Variants in LRP1B observed in about 807,000 individuals in gnomAD.
LRP1B encodes LDL receptor related protein 1B, also known as low-density lipoprotein receptor-related protein 1B.
In LRP1B, 217 loss-of-function variants were observed where a neutral mutation model predicts 556.6. The ratio of observed to expected loss-of-function variants is 0.39; its 90% CI spans 0.35 to 0.44. The LOEUF (loss-of-function observed/expected upper bound fraction) is 0.44. LRP1B is among the 20% of genes least tolerant of loss of function. LRP1B has a pLI of 1.00. For synonymous variants in LRP1B, 2,047 were observed against 1,865.8 expected (o/e 1.10, Z -2.50); for missense variants, 5,053 against 5,620.8 (o/e 0.90, Z 3.23).
At chr2:141,490,784 A>C (rs1000786782) in intron 2 of LRP1B, among the ~76,000 whole-genome samples, 2 of 152,118 alleles carry the variant, frequency 1.3e-5, no homozygotes, top group African/African-American at 4.8e-5. Context: ...GTGCTCTTTT[A>C]GGTGTTTTAA....
intron 1 of LRP1B, among the ~76,000 whole-genome samples, chr2:142,011,585 C>T (rs1395230718): frequency 6.6e-6 from 1 of 152,128 alleles, no homozygotes; most frequent in Non-Finnish European, 1.5e-5. Flanking sequence ...AGACTGCATG[C>T]TTTCTGCTAA....
chr2:140,606,814 C>T (rs1682884051), intron 41 of LRP1B, among the ~76,000 whole-genome samples: 1 of 151,790 alleles, frequency 6.6e-6, no homozygotes, highest in Admixed American at 6.6e-5. Flanking sequence ...TAAAAATATA[C>T]CTTAAACCTA....
At chr2:140,858,054 T>C (rs552206082) in intron 27 of LRP1B, among the ~76,000 whole-genome samples, 56 of 152,294 alleles carry the variant, frequency 3.7e-4, no homozygotes, top group African/African-American at 1.3e-3. Context: ...GGTGGTGATT[T>C]TGCCTCCCAA....
At position 141,982,468 on chromosome 2, in the gene LRP1B, G is replaced by T. The variant is rs923948102; in HGVS notation, c.82+148180C>A. The stretch of plus-strand genomic sequence containing the variant: ...GAGACACTTTAGAGTGACTTCAGAT[G>T]ATATAAGCCCTACAGTGCAAATACC... On this transcript the variant is annotated intron_variant, in intron 1 of 90. Transcript: ENST00000389484. Among the ~76,000 whole-genome samples the T allele has an allele frequency of 2.6e-5, 4 of 152,112 alleles. No individual in the cohort carries two copies. The East Asian group carries it at 7.7e-4, about 29-fold the overall frequency.
chr2:141,483,425 C>A (rs187342094), intron 2 of LRP1B, among the ~76,000 whole-genome samples: 2 of 90,622 alleles, frequency 2.2e-5, no homozygotes, highest in African/African-American at 7.9e-5. Context: ...ATAAACATAC[C>A]TGTGCATGTG....
At chr2:140,741,879 C>T (rs1483685739) in intron 35 of LRP1B, among the ~76,000 whole-genome samples, 2 of 152,080 alleles carry the variant, frequency 1.3e-5, no homozygotes, top group Non-Finnish European at 2.9e-5. Flanking sequence ...TCTGTTTCTG[C>T]ATTAATTAAT....
At chr2:141,295,216 T>A (rs963902677) in intron 3 of LRP1B, among the ~76,000 whole-genome samples, 1 of 152,198 alleles carries the variant, frequency 6.6e-6, no homozygotes, top group Non-Finnish European at 1.5e-5. Flanking sequence ...CTTGGGGATA[T>A]CCCCTTATAT....
intron 27 of LRP1B, 39 bp downstream of exon 27, chr2:140,867,551 C>A (rs2105152953): frequency 1.3e-6 from 2 of 1,561,802 alleles, no homozygotes; most frequent in South Asian, 2.4e-5. Context: ...GATGATAATA[C>A]TTTCTGGGTG....
chr2:140,468,293 G>A (rs1226276596), intron 60 of LRP1B, among the ~76,000 whole-genome samples: 2 of 152,300 alleles, frequency 1.3e-5, no homozygotes, highest in South Asian at 4.1e-4. Context: ...TTTCCACCAG[G>A]ATGCAGAGTG....
At chr2:140,625,265 G>A (rs557456409) in intron 41 of LRP1B, among the ~76,000 whole-genome samples, 1 of 152,252 alleles carries the variant, frequency 6.6e-6, no homozygotes, top group South Asian at 2.1e-4. Flanking sequence ...ATCATAAATT[G>A]GATGTATTTT....
At chr2:140,871,071 CACTG>C (rs1488601574) in intron 25 of LRP1B, among the ~76,000 whole-genome samples, 1 of 152,076 alleles carries the variant, frequency 6.6e-6, no homozygotes, top group African/African-American at 2.4e-5. Context: ...TAAATTAAAA[CACTG>C]ACATTTGGTA....
At chr2:140,927,700 G>A (rs1431289565) in intron 20 of LRP1B, among the ~76,000 whole-genome samples, 1 of 132,928 alleles carries the variant, frequency 7.5e-6, no homozygotes, top group Non-Finnish European at 1.5e-5. Context: ...TTAGTATTAC[G>A]AGGAAGGCTT....
chr2:140,320,589 T>C (rs549845307), intron 82 of LRP1B, among the ~76,000 whole-genome samples: 1 of 114,898 alleles, frequency 8.7e-6, no homozygotes, highest in Non-Finnish European at 1.8e-5. Context: ...GAGCGCTACA[T>C]TTTTTTTTTT....
In LRP1B at chr2:140,487,635, T is replaced by C. The variant is rs74789055; in HGVS notation, c.9225A>G (p.Leu3075=). 66,767 of 1,607,556 alleles carry C rather than the reference T, an allele frequency of 0.042. 1,636 individuals are homozygous for C. The highest frequency in any genetic ancestry group is 0.043 in the Non-Finnish European group (50,359 of 1,175,640). The change falls in exon 58 of 91, where the codon TTA becomes TTG. Residue 3075 remains leucine (L), a synonymous_variant. Coordinates refer to ENST00000389484, the MANE Select transcript of LRP1B (RefSeq NM_018557.3). The part of the protein sequence containing the change: ...PNGSRINRMC[L]NGSDIKVVHN... Reference sequence around the variant, plus strand: ...TAGTTACCTTAATGTCACTTCCATTTAAACACATTCTATTTATGCGACTGC... The same window carrying C: ...TAGTTACCTTAATGTCACTTCCATTCAAACACATTCTATTTATGCGACTGC...
chr2:141,850,164 G>T (rs1273097678), intron 1 of LRP1B, among the ~76,000 whole-genome samples: 1 of 151,654 alleles, frequency 6.6e-6, no homozygotes, highest in Non-Finnish European at 1.5e-5. Context: ...TAAACCCTTT[G>T]CTGTCTGTAG....
intron 66 of LRP1B, among the ~76,000 whole-genome samples, chr2:140,430,203 G>C (rs1182872332): frequency 6.6e-6 from 1 of 152,138 alleles, no homozygotes; most frequent in Non-Finnish European, 1.5e-5. Context: ...TATCATTGAG[G>C]CTACCCCTCT....
At chr2:141,477,195 A>G (rs1254757084) in intron 3 of LRP1B, among the ~76,000 whole-genome samples, 1 of 151,936 alleles carries the variant, frequency 6.6e-6, no homozygotes, top group Non-Finnish European at 1.5e-5. Flanking sequence ...TTTTTTAATC[A>G]TATCTTAGGC....
intron 35 of LRP1B, among the ~76,000 whole-genome samples, chr2:140,731,540 T>G (rs1687776188): frequency 6.6e-6 from 1 of 151,606 alleles, no homozygotes; most frequent in African/African-American, 2.4e-5. Flanking sequence ...AAGGCCAAGG[T>G]GGGAGGATCA....
At position 141,037,810 on chromosome 2, in the gene LRP1B, G is replaced by A. The variant is rs538879370; in HGVS notation, c.1789+11176C>T. The stretch of plus-strand genomic sequence containing the variant: ...CCTTTGGCCAAAGGAAATGAAATTA[G>A]AAAGATCCAGCAGAAGGAAGACTTC... On this transcript the variant is annotated intron_variant, in intron 11 of 90. Transcript: ENST00000389484. 1.2e-3 allele frequency among the ~76,000 whole-genome samples: 188 copies of A among 151,888 alleles called. 1 individual carries two copies. The highest frequency in any genetic ancestry group is 3.1e-3 in the South Asian group (15 of 4,820).
Sources: allele counts gnomAD v4.1 joint callset (sites outside exome capture counted in the v4.1 genomes callset), GRCh38; gene constraint gnomAD v4.1.1; transcripts MANE v1.5; gene names NCBI Gene and HGNC (gene_info 2026-07-23, HGNC 2026-07-21).